Variants in PSIP1 observed in about 807,000 individuals in gnomAD.
PSIP1 encodes the protein PC4 and SFRS1-interacting protein.
In PSIP1, 19 loss-of-function variants were observed where a neutral mutation model predicts 74.7. That is an observed-to-expected ratio of 0.25 (90% confidence interval 0.18 to 0.37). The LOEUF (loss-of-function observed/expected upper bound fraction) is 0.37. Among genes scored for constraint, PSIP1 ranks in the 10% least tolerant of loss-of-function variants. The probability of loss-of-function intolerance (pLI) is 1.00; values close to 1 mark genes in which losing one functional copy is unlikely to be tolerated. For synonymous variants in PSIP1, 222 were observed against 195.3 expected, an observed-to-expected ratio of 1.14 and a Z score of -1.14; for missense variants, 601 against 614.3, an observed-to-expected ratio of 0.98 and a Z score of 0.23.
intron 1 of PSIP1, among the ~76,000 whole-genome samples, chr9:15,510,538 C>A (rs1054404369): frequency 3.3e-5 from 5 of 152,082 alleles, no homozygotes; most frequent in African/African-American, 1.2e-4. Context: ...GGATGCTGCC[C>A]GGCCAGAAAT....
intron 2 of PSIP1, among the ~76,000 whole-genome samples, chr9:15,507,892 A>T (rs894371720): frequency 2.6e-5 from 4 of 152,142 alleles, no homozygotes; most frequent in African/African-American, 9.7e-5. Context: ...ATCTCTAGGG[A>T]CCTATTTCCC....
chr9:15,502,467 G>C (rs1333742232), intron 3 of PSIP1, among the ~76,000 whole-genome samples: 1 of 152,014 alleles, frequency 6.6e-6, no homozygotes, highest in Non-Finnish European at 1.5e-5. Context: ...CCCAAGACAG[G>C]GTCTTACTAT....
rs2035958342 is a variant in PSIP1 at position 15,473,925 on chromosome 9, AACAAAAAAAAAAC to A, written c.858+71_858+83del. On this transcript the variant is annotated intron_variant, in intron 9 of 15. Coordinates refer to ENST00000380733, the MANE Select transcript of PSIP1 (RefSeq NM_033222.5). ...CAAACAAAAAAAAAACAAAAAAAAA[AACAAAAAAAAAAC>A]AAAGAAAAAACAAAAAATATATATA... 2.5e-6 allele frequency: 2 copies of A among 794,778 alleles called. 1 individual carries two copies. The highest frequency in any genetic ancestry group is 4.4e-5 in the African/African-American group (2 of 45,420). 49.2% of individuals were successfully genotyped at this position (794,778 alleles called of 1,614,324 possible).
intron 8 of PSIP1, among the ~76,000 whole-genome samples, chr9:15,474,833 T>C (rs2036006118): frequency 6.6e-6 from 1 of 152,182 alleles, no homozygotes; most frequent in African/African-American, 2.4e-5. Flanking sequence ...TTGATATATA[T>C]TCTTCTAAAG....
intron 10 of PSIP1, among the ~76,000 whole-genome samples, chr9:15,470,199 C>T (rs796964808): frequency 3.3e-5 from 5 of 152,254 alleles, no homozygotes; most frequent in African/African-American, 1.2e-4. Flanking sequence ...TAAATCATAT[C>T]TGGCTTTTCA....
At chr9:15,502,154 C>A (rs2037379193) in intron 3 of PSIP1, among the ~76,000 whole-genome samples, 2 of 152,116 alleles carry the variant, frequency 1.3e-5, no homozygotes, top group African/African-American at 4.8e-5. Context: ...ACCATCCCCC[C>A]AAACCCCCGT....
chr9:15,487,005 AT>A (rs1034357642), intron 4 of PSIP1, 74 bp from the exon 5 acceptor site: 8,299 of 849,482 alleles, frequency 9.8e-3, no homozygotes, highest in East Asian at 0.013. Context: ...CTTTATTTTT[AT>A]TTTTTTTTTA....
At chr9:15,501,720 A>T (rs1366957989) in intron 3 of PSIP1, among the ~76,000 whole-genome samples, 1 of 151,810 alleles carries the variant, frequency 6.6e-6, no homozygotes, top group Non-Finnish European at 1.5e-5. Flanking sequence ...TCTGACTGAG[A>T]TATAAAGATC....
At chr9:15,483,044 T>C (rs548238162) in intron 6 of PSIP1, among the ~76,000 whole-genome samples, 3 of 152,174 alleles carry the variant, frequency 2.0e-5, no homozygotes, top group Non-Finnish European at 4.4e-5. Flanking sequence ...CAGCCATAAT[T>C]TCACAGAGCA....
At chr9:15,492,579 T>C (rs2036882953) in intron 3 of PSIP1, among the ~76,000 whole-genome samples, 1 of 152,172 alleles carries the variant, frequency 6.6e-6, no homozygotes, top group Non-Finnish European at 1.5e-5. Flanking sequence ...GTCTGGAGGA[T>C]GGTGGCCTTC....
Position 15,464,877 on chromosome 9 carries a change from A to ATAGTT in PSIP1, c.*638_*642dup, listed in dbSNP as rs1473067410. 8.1e-5 allele frequency: 17 copies of ATAGTT among 211,132 alleles called. No homozygotes were observed. The highest frequency in any genetic ancestry group is 1.1e-4 in the Non-Finnish European group (11 of 104,024). 13.1% of individuals were successfully genotyped at this position (211,132 alleles called of 1,614,324 possible). ...AATTACCTTCAAAAATTAATGTTTT[A>ATAGTT]TAGTTTGTAGAATTCTCAGTTCCAT... On this transcript the variant is annotated 3_prime_UTR_variant, in exon 16 of 16. Coordinates refer to ENST00000380733, the MANE Select transcript of PSIP1 (RefSeq NM_033222.5).
intron 11 of PSIP1, 120 bp from the exon 12 acceptor site, chr9:15,469,456 T>TAAGAAGCTCA: frequency 1.6e-6 from 1 of 612,038 alleles, no homozygotes; most frequent in Non-Finnish European, 2.8e-6. Context: ...TAATCTTTAC[T>TAAGAAGCTCA]AAGAAGCTCA....
At chr9:15,507,012 T>G (rs2037622695) in intron 2 of PSIP1, among the ~76,000 whole-genome samples, 1 of 152,242 alleles carries the variant, frequency 6.6e-6, no homozygotes, top group Non-Finnish European at 1.5e-5. Flanking sequence ...GTTAATCATA[T>G]CATTTCAGGT....
At position 15,472,101 on chromosome 9, in the gene PSIP1, T is replaced by G. The variant is rs889074687; in HGVS notation, c.977+531A>C. 5 of 983,220 alleles carry G rather than the reference T, an allele frequency of 5.1e-6. No individual in the cohort carries two copies. The African/African-American group carries it at 7.0e-5, about 14-fold the overall frequency. The allele number at this position is 983,220 out of a possible 1,614,324, so 60.9% of individuals were successfully genotyped here. A position where few individuals can be genotyped will look rare whatever the true frequency, so the allele number is the denominator to read the frequency against. ...TCCTGTCTCTATAAGTATCAAAATT[T>G]AAGAGAAAACAGCTTTGAATTTGAT... On this transcript the variant is annotated intron_variant, in intron 10 of 15. Transcript: ENST00000380733.
intron 15 of PSIP1, chr9:15,465,909 A>G (rs891822437): frequency 8.9e-6 from 2 of 225,146 alleles, no homozygotes; most frequent in Non-Finnish European, 1.7e-5. Flanking sequence ...TATCTGTGAT[A>G]CCAACATATT....
intron 3 of PSIP1, chr9:15,492,095 A>G (rs1031823831): frequency 6.6e-6 from 1 of 152,216 alleles, no homozygotes; most frequent in African/African-American, 2.4e-5. Context: ...TCATGTCCTC[A>G]CATTTCAAAA....
chr9:15,478,415 TGTG>T, intron 8 of PSIP1, 59 bp downstream of exon 8: 11 of 1,206,994 alleles, frequency 9.1e-6, no homozygotes, highest in Non-Finnish European at 1.3e-5. Context: ...CGCAGAGATA[TGTG>T]CTTGTTTAAA....
In PSIP1 at chr9:15,465,284, T is replaced by C. The variant is rs2035540020; in HGVS notation, c.*236A>G. 2 of 440,328 alleles carry C rather than the reference T, an allele frequency of 4.5e-6. No individual in the cohort carries two copies. Among genetic ancestry groups the C allele is most frequent in the East Asian group, 7.6e-5 (2 of 26,422 alleles). The allele number at this position is 440,328 out of a possible 1,614,324, so 27.3% of individuals were successfully genotyped here. A position where few individuals can be genotyped will look rare whatever the true frequency, so the allele number is the denominator to read the frequency against. On this transcript the variant is annotated 3_prime_UTR_variant, in exon 16 of 16. Coordinates refer to ENST00000380733, the MANE Select transcript of PSIP1 (RefSeq NM_033222.5). ...TACAACCATGTCTGGAAAAGCAGTTTAACATTTTCTAAATGGATTTTATCC... is the reference window on the plus strand; with the variant it reads ...TACAACCATGTCTGGAAAAGCAGTTCAACATTTTCTAAATGGATTTTATCC...
intron 11 of PSIP1, among the ~76,000 whole-genome samples, 186 bp from the exon 12 acceptor site, chr9:15,469,522 T>C (rs1045822188): frequency 6.6e-6 from 1 of 152,176 alleles, no homozygotes; most frequent in African/African-American, 2.4e-5. Context: ...TTTTAGTGGT[T>C]GAGAAAAGCA....
Sources: allele counts gnomAD v4.1 joint callset (sites outside exome capture counted in the v4.1 genomes callset), GRCh38; gene constraint gnomAD v4.1.1; transcripts MANE v1.5; gene names NCBI Gene and HGNC (gene_info 2026-07-23, HGNC 2026-07-21).